FOCAD: variants seen among roughly 807,000 people sequenced by gnomAD.
FOCAD encodes the protein KIAA1797.
A neutral mutation model predicts 225.6 loss-of-function variants in FOCAD; 198 were observed. That is an observed-to-expected ratio of 0.88 (90% confidence interval 0.78 to 0.99). The LOEUF is 0.99. FOCAD is among the 50% of genes least tolerant of loss of function. FOCAD has a pLI of 0.00. For missense variants in FOCAD, 2,713 were observed against 2,123.6 expected, an observed-to-expected ratio of 1.28 and a Z score of -5.46; for synonymous variants, 897 against 755.0, an observed-to-expected ratio of 1.19 and a Z score of -3.08.
intron 24 of FOCAD, among the ~76,000 whole-genome samples, chr9:20,919,315 C>G (rs908120860): frequency 2.6e-5 from 4 of 152,046 alleles, no homozygotes; most frequent in East Asian, 1.9e-4. Context: ...AAATAAAAGA[C>G]GATACAAACA....
At chr9:20,814,978 T>C (rs887848290) in intron 11 of FOCAD, among the ~76,000 whole-genome samples, 6 of 152,060 alleles carry the variant, frequency 3.9e-5, no homozygotes, top group Non-Finnish European at 8.8e-5. Flanking sequence ...CAGTAAACTT[T>C]ATATTTCCAT....
chr9:20,935,293 C>G (rs1043976793), intron 28 of FOCAD, among the ~76,000 whole-genome samples: 5 of 152,212 alleles, frequency 3.3e-5, no homozygotes, highest in Non-Finnish European at 7.3e-5. Context: ...CATCTTGCAG[C>G]TTACACCTTA....
At chr9:20,888,640 C>A (rs2383157) in intron 21 of FOCAD, among the ~76,000 whole-genome samples, 2 of 151,962 alleles carry the variant, frequency 1.3e-5, no homozygotes, top group African/African-American at 4.8e-5. Flanking sequence ...ACGTCCCCAT[C>A]CAAACCTCAT....
At chr9:20,745,390 T>C (rs1480141298) in intron 5 of FOCAD, among the ~76,000 whole-genome samples, 1 of 152,184 alleles carries the variant, frequency 6.6e-6, no homozygotes, top group African/African-American at 2.4e-5. Context: ...GCACTGGGCC[T>C]GTTTAAACAT....
chr9:20,833,300 G>C (rs1263648189), intron 15 of FOCAD, among the ~76,000 whole-genome samples: 1 of 151,912 alleles, frequency 6.6e-6, no homozygotes, highest in Non-Finnish European at 1.5e-5. Context: ...TAGCAGTCCT[G>C]AATGGTTTAA....
At chr9:20,983,147 T>C (rs1424558190) in intron 39 of FOCAD, among the ~76,000 whole-genome samples, 2 of 152,210 alleles carry the variant, frequency 1.3e-5, no homozygotes, top group Non-Finnish European at 2.9e-5. Flanking sequence ...TGGAAATGAT[T>C]AGAAATGTGA....
At chr9:20,986,532 A>T in intron 40 of FOCAD, 67 bp downstream of exon 40, 1 of 1,389,840 alleles carries the variant, frequency 7.2e-7, no homozygotes, top group Non-Finnish European at 9.5e-7. Context: ...TTTAAGTTGC[A>T]CTTGAGTTCT....
rs1830098434 is a variant in FOCAD, at chr9:20,874,824, A to G, written c.2317+17A>G. ...TTTTACCAGGTGACTCCTATTTGGT[A>G]GTAGAGAAGCTAGCATTTTTTAGTG... On this transcript the variant is annotated intron_variant, in intron 19 of 43. Coordinates refer to ENST00000338382, the MANE Select transcript of FOCAD (RefSeq NM_001375567.1). 1 of 1,613,216 alleles carries G rather than the reference A, an allele frequency of 6.2e-7. No individual in the cohort carries two copies. The highest frequency in any genetic ancestry group is 8.5e-7 in the Non-Finnish European group (1 of 1,179,500).
At chr9:20,764,556 A>G (rs1829895034) in intron 6 of FOCAD, among the ~76,000 whole-genome samples, 1 of 152,212 alleles carries the variant, frequency 6.6e-6, no homozygotes, top group African/African-American at 2.4e-5. Context: ...TGCCCAGCCC[A>G]GATGATTCTT....
chr9:20,688,426 T>C (rs1822789748), intron 1 of FOCAD, among the ~76,000 whole-genome samples: 1 of 152,098 alleles, frequency 6.6e-6, no homozygotes, highest in South Asian at 2.1e-4. Context: ...ACATGAGCAA[T>C]ATCAGATGTA....
intron 28 of FOCAD, among the ~76,000 whole-genome samples, chr9:20,935,119 A>G (rs1022643686): frequency 3.3e-5 from 5 of 152,216 alleles, no homozygotes; most frequent in Non-Finnish European, 7.4e-5. Flanking sequence ...AGATAAAACA[A>G]TCTTAAAATT....
chr9:20,943,598 T>C (rs1441371496), intron 28 of FOCAD, among the ~76,000 whole-genome samples: 1 of 152,188 alleles, frequency 6.6e-6, no homozygotes, highest in African/African-American at 2.4e-5. Flanking sequence ...AAGTAACATG[T>C]TCATAAAATT....
At chr9:20,731,240 AAACAACAACAACAAC>A (rs146322610) in intron 4 of FOCAD, among the ~76,000 whole-genome samples, 69,153 of 150,258 alleles carry the variant, frequency 0.46, 16,243 homozygotes, top group East Asian at 0.68. Context: ...TTTGTCTCCA[AAACAACAACAACAAC>A]AACAACAACA....
intron 35 of FOCAD, among the ~76,000 whole-genome samples, chr9:20,964,426 T>A (rs1177647770): frequency 6.6e-6 from 1 of 152,092 alleles, no homozygotes; most frequent in African/African-American, 2.4e-5. Flanking sequence ...TAGCAATGAT[T>A]AACTCTCTAA....
intron 21 of FOCAD, among the ~76,000 whole-genome samples, chr9:20,886,379 G>A (rs926772426): frequency 1.3e-5 from 2 of 152,116 alleles, no homozygotes; most frequent in South Asian, 2.1e-4. Context: ...AGGGAGAAAC[G>A]TGGTACCTTT....
At chr9:20,789,301 C>G (rs777593088) in intron 10 of FOCAD, 50 bp from the exon 11 acceptor site, 10 of 1,572,536 alleles carry the variant, frequency 6.4e-6, no homozygotes, top group Non-Finnish European at 8.7e-6. Flanking sequence ...ATATTTCTGA[C>G]AAATATATTT....
intron 18 of FOCAD, among the ~76,000 whole-genome samples, chr9:20,870,321 G>A (rs1219143136): frequency 6.6e-6 from 1 of 152,144 alleles, no homozygotes; most frequent in East Asian, 1.9e-4. Flanking sequence ...AATTTATGCA[G>A]ATACTTGACA....
intron 39 of FOCAD, among the ~76,000 whole-genome samples, 195 bp from the exon 40 acceptor site, chr9:20,986,093 C>G (rs1056496570): frequency 6.6e-6 from 1 of 151,906 alleles, no homozygotes; most frequent in Non-Finnish European, 1.5e-5. Context: ...AATGAAGGAG[C>G]AGGAGATGGC....
At chr9:20,693,732 A>G (rs1461260949) in intron 1 of FOCAD, among the ~76,000 whole-genome samples, 1 of 151,976 alleles carries the variant, frequency 6.6e-6, no homozygotes, top group African/African-American at 2.4e-5. Context: ...ATTTATTTAG[A>G]TGGAATCTTG....
Sources: gnomAD v4.1 joint callset for allele counts (sites outside exome capture counted in the v4.1 genomes callset) on GRCh38, gnomAD v4.1.1 for gene constraint, MANE v1.5 for transcripts, NCBI Gene and HGNC (gene_info 2026-07-23, HGNC 2026-07-21) for gene names.